TICRR: variants seen among roughly 807,000 people sequenced by gnomAD.
TICRR encodes treslin.
TICRR carries 132 observed loss-of-function variants against 178.1 expected under a neutral mutation model. That is an observed-to-expected ratio of 0.74 (90% confidence interval 0.64 to 0.86). TICRR has a LOEUF of 0.86. Among genes scored for constraint, TICRR ranks in the 40% least tolerant of loss-of-function variants. TICRR has a pLI of 0.00. For synonymous variants in TICRR, 991 were observed against 900.7 expected (o/e 1.10, Z -1.79); for missense variants, 2,587 against 2,334.3 (o/e 1.11, Z -2.23).
intron 14 of TICRR, 22 bp from the exon 15 acceptor site, chr15:89,608,781 T>A (rs2141970606): frequency 6.4e-7 from 1 of 1,564,688 alleles, no homozygotes; most frequent in East Asian, 2.3e-5. Context: ...TTTCTTTTTC[T>A]TTTAATTTTT....
intron 12 of TICRR, 77 bp downstream of exon 12, chr15:89,602,053 GT>G (rs1252092787): frequency 2.6e-6 from 4 of 1,542,366 alleles, no homozygotes; most frequent in Non-Finnish European, 3.5e-6. Context: ...CTACAGTCCA[GT>G]CATCTTTGTC....
Position 89,595,454 on chromosome 15 carries a change from G to A in TICRR, c.1743G>A (p.Met581Ile). The change falls in exon 7 of 22, where the codon ATG becomes ATA. Residue 581 changes from methionine (M) to isoleucine (I), a missense_variant. Met to Ile is a conservative substitution (Grantham distance 10). Coordinates refer to ENST00000268138, the MANE Select transcript of TICRR (RefSeq NM_152259.4). The part of the protein sequence containing the change: ...KMNTMCRSLK[M>I]LNVARLNVKA... The stretch of plus-strand genomic sequence containing the variant: ...ATACCATGTGCCGTTCCTTAAAGAT[G>A]TTGAATGTCGCAAGGCTGAATGTGA... 6.2e-7 allele frequency: 1 copy of A among 1,614,146 alleles called. No homozygotes were observed. The highest frequency in any genetic ancestry group is 1.3e-5 in the African/African-American group (1 of 75,050).
chr15:89,608,851 C>G lies in TICRR; in HGVS notation c.2771C>G (p.Pro924Arg), dbSNP rs1163857862. 1.4e-5 allele frequency: 23 copies of G among 1,609,090 alleles called. No individual in the cohort carries two copies. Among genetic ancestry groups the G allele is most frequent in the Non-Finnish European group, 2.0e-5 (23 of 1,178,120 alleles). ...RNLFNQELLSPSKRSLKRGLP... is the reference protein window; with the variant it reads ...RNLFNQELLSRSKRSLKRGLP... Reference sequence around the variant, plus strand: ...CTTTTCAACCAGGAATTGCTTTCCCCTTCAAAGAGATCACTAAAGCGGGGG... The same window carrying G: ...CTTTTCAACCAGGAATTGCTTTCCCGTTCAAAGAGATCACTAAAGCGGGGG... Residue 924 changes from proline (P) to arginine (R), a missense_variant, in exon 15 of 22, where the codon CCT becomes CGT. Pro to Arg is a moderately radical substitution (Grantham distance 103, BLOSUM62 -2). Transcript: ENST00000268138.
chr15:89,624,790 G>A lies in TICRR; in HGVS notation c.4480G>A (p.Ala1494Thr). 1 of 1,614,238 alleles carries A rather than the reference G, an allele frequency of 6.2e-7. No individual in the cohort carries two copies. Among genetic ancestry groups the A allele is most frequent in the South Asian group, 1.1e-5 (1 of 91,090 alleles). ...SVEEGEGLRT[A>T]DAEKSSLSHP... is the part of the protein sequence containing the mutation. ...GGAAGAGGGTGAGGGGCTAAGGACA[G>A]CAGATGCTGAGAAGTCTTCTCTGTC... Residue 1494 changes from alanine to threonine, a missense_variant, in exon 20 of 22, where the codon GCA (alanine) becomes ACA (threonine). By Grantham distance (58) the Ala-to-Thr change is moderately conservative. Transcript: ENST00000268138.
chr15:89,626,591 A>C (rs1211818764), intron 21 of TICRR, among the ~76,000 whole-genome samples: 1 of 151,986 alleles, frequency 6.6e-6, no homozygotes, highest in Admixed American at 6.6e-5. Context: ...TCAAAGGGGG[A>C]GTGCAGGAGG....
rs190399698 is a variant in TICRR, at chr15:89,621,301, G to A, written c.3155-92G>A. On this transcript the variant is annotated intron_variant, in intron 18 of 21. Transcript: ENST00000268138. ...CTCCCAAAGTGCTGGGATTACAGGC[G>A]TGAGCCACCATGCGTGGCTGGCTGT... The A allele has an allele frequency of 3.0e-4, 411 of 1,347,870 alleles. 2 individuals are homozygous for A. In the African/African-American group the frequency reaches 3.9e-3, roughly 13 times the overall value. The allele number at this position is 1,347,870 out of a possible 1,614,324, so 83.5% of individuals were successfully genotyped here.
chr15:89,608,917 A>G lies in TICRR; in HGVS notation c.2837A>G (p.Glu946Gly). 6.2e-7 allele frequency: 1 copy of G among 1,601,928 alleles called. No individual in the cohort carries two copies. The highest frequency in any genetic ancestry group is 8.5e-7 in the Non-Finnish European group (1 of 1,176,652). ...TCTGTGTCAGCTGTGGATGGTCTAG[A>G]GGATAAACTTGACAACTTCAAGAAG... is the stretch of plus-strand genomic sequence containing the variant. ...SHSVSAVDGL[E>G]DKLDNFKKNK... Residue 946 changes from glutamate to glycine, a missense_variant, in exon 15 of 22, where the codon GAG (glutamate) becomes GGG (glycine). Coordinates refer to ENST00000268138, the MANE Select transcript of TICRR (RefSeq NM_152259.4).
In TICRR at chr15:89,576,143, A is replaced by C; in HGVS notation, c.557A>C (p.Lys186Thr). ...AQAQRLPPTP[K>T]QVMEKLLPKR... ...GCCCAGCGCCTGCCGCCCACCCCTA[A>C]GCAGGTGATGGAGAAGTTGTTGCCC... Residue 186 changes from lysine to threonine, a missense_variant, in exon 1 of 22, where the codon AAG (lysine) becomes ACG (threonine). Lys to Thr is a moderately conservative substitution (Grantham distance 78). Transcript: ENST00000268138. 6.2e-7 allele frequency: 1 copy of C among 1,608,012 alleles called. No individual in the cohort carries two copies. The highest frequency in any genetic ancestry group is 1.3e-5 in the African/African-American group (1 of 75,054).
chr15:89,617,329 A>G (rs529520303), intron 16 of TICRR, among the ~76,000 whole-genome samples: 1 of 152,276 alleles, frequency 6.6e-6, no homozygotes, highest in Non-Finnish European at 1.5e-5. Context: ...ATATATTTTT[A>G]ATTAAATTTT....
Position 89,625,564 on chromosome 15 carries a change from C to G in TICRR, c.5254C>G (p.Pro1752Ala), listed in dbSNP as rs747829637. The G allele has an allele frequency of 7.4e-6, 12 of 1,613,134 alleles. No homozygotes were observed. The South Asian group carries it at 1.3e-4, about 18-fold the overall frequency. Residue 1752 changes from proline to alanine, a missense_variant, in exon 20 of 22, where the codon CCC (proline) becomes GCC (alanine). By Grantham distance (27) the Pro-to-Ala change is conservative. Transcript: ENST00000268138. ...GTGCCAGCTCCCAGACCAGTCGCCT[C>G]CCAGGAACAGCATGCCTAAGGCCGA... is the stretch of plus-strand genomic sequence containing the variant. ...GVCQLPDQSPPRNSMPKAEEA... is the reference protein window; with the variant it reads ...GVCQLPDQSPARNSMPKAEEA...
At chr15:89,581,477 C>G (rs568983086) in intron 1 of TICRR, among the ~76,000 whole-genome samples, 1 of 152,208 alleles carries the variant, frequency 6.6e-6, no homozygotes, top group South Asian at 2.1e-4. Context: ...TGAAGCAGGG[C>G]TTTTACAAAG....
At position 89,621,252 on chromosome 15, in the gene TICRR, C is replaced by T. The variant is rs574354871; in HGVS notation, c.3155-141C>T. 297 of 732,514 alleles carry T rather than the reference C, an allele frequency of 4.1e-4. No homozygotes were observed. In the African/African-American group the frequency reaches 5.2e-3, roughly 13 times the overall value. The allele number at this position is 732,514 out of a possible 1,614,324, so 45.4% of individuals were successfully genotyped here. On this transcript the variant is annotated intron_variant, in intron 18 of 21. Transcript: ENST00000268138. ...GCCAGGCTGGTCTCGAACTCCTGAC[C>T]TCAGACCATCCACCTGTCTCGGCCT...
At chr15:89,578,737 C>T (rs1007442192) in intron 1 of TICRR, among the ~76,000 whole-genome samples, 1 of 151,628 alleles carries the variant, frequency 6.6e-6, no homozygotes, top group Non-Finnish European at 1.5e-5. Context: ...GATGTACCGT[C>T]GACTGAGGGG....
chr15:89,610,471 T>C (rs1410785756), intron 15 of TICRR, among the ~76,000 whole-genome samples: 1 of 152,238 alleles, frequency 6.6e-6, no homozygotes, highest in Non-Finnish European at 1.5e-5. Context: ...CTTTGTGTTT[T>C]GTAATCTTTC....
At chr15:89,610,441 T>A (rs1417090609) in intron 15 of TICRR, among the ~76,000 whole-genome samples, 1 of 152,254 alleles carries the variant, frequency 6.6e-6, no homozygotes, top group Non-Finnish European at 1.5e-5. Context: ...CAATTAAACT[T>A]CTTACCAATA....
intron 3 of TICRR, among the ~76,000 whole-genome samples, chr15:89,585,290 G>T (rs1962801075): frequency 6.6e-6 from 1 of 152,136 alleles, no homozygotes; most frequent in Non-Finnish European, 1.5e-5. Flanking sequence ...TCACTCAAGT[G>T]GTATTTCTGC....
chr15:89,624,720 C>G lies in TICRR; in HGVS notation c.4410C>G (p.Ala1470=). Residue 1470 remains alanine (A), a synonymous_variant, in exon 20 of 22, where the codon GCC becomes GCG. Transcript: ENST00000268138. ...AGCATGTCACTCTCCTCAGTGAAGCCGAACACCATGGCATTGGTGACTTGA... is the reference window on the plus strand; with the variant it reads ...AGCATGTCACTCTCCTCAGTGAAGCGGAACACCATGGCATTGGTGACTTGA... ...DTEHVTLLSE[A]EHHGIGDLKS... is the part of the protein sequence containing the mutation. 6.2e-7 allele frequency: 1 copy of G among 1,614,144 alleles called. No individual in the cohort carries two copies. The highest frequency in any genetic ancestry group is 2.2e-5 in the East Asian group (1 of 44,876).
intron 7 of TICRR, among the ~76,000 whole-genome samples, chr15:89,596,728 T>C (rs1216509667): frequency 6.6e-6 from 1 of 152,216 alleles, no homozygotes; most frequent in Non-Finnish European, 1.5e-5. Flanking sequence ...CTGTTCTTTA[T>C]GATTACCTTC....
chr15:89,622,033 C>T lies in TICRR; in HGVS notation c.3312+483C>T, dbSNP rs200969353. ...ACAGAGTCTTACTATTTTGCACAGG[C>T]TGGAGTGCAGTGGCACGATCTCAGC... On this transcript the variant is annotated intron_variant, in intron 19 of 21. Transcript: ENST00000268138. Among the ~76,000 whole-genome samples, 7 of 130,274 alleles carry T rather than the reference C, an allele frequency of 5.4e-5. No homozygotes were observed. The East Asian group carries it at 1.6e-3, about 29-fold the overall frequency. 85.5% of individuals were successfully genotyped at this position (130,274 alleles called of 152,430 possible).
Sources: gnomAD v4.1 joint callset for allele counts (sites outside exome capture counted in the v4.1 genomes callset) on GRCh38, gnomAD v4.1.1 for gene constraint, MANE v1.5 for transcripts, NCBI Gene and HGNC (gene_info 2026-07-23, HGNC 2026-07-21) for gene names.